HSPG2: variants seen among roughly 807,000 people sequenced by gnomAD.
HSPG2 encodes heparan sulfate proteoglycan 2, also known as basement membrane-specific heparan sulfate proteoglycan core protein.
Under a neutral mutation model 526.6 loss-of-function variants are expected in HSPG2, and 278 were observed. That is an observed-to-expected ratio of 0.53 (90% confidence interval 0.48 to 0.58). HSPG2 has a LOEUF of 0.58. Among genes scored for constraint, HSPG2 ranks in the 20% least tolerant of loss-of-function variants. The pLI is 0.00. For missense variants in HSPG2, 5,354 were observed against 6,099.5 expected (o/e 0.88, Z 4.07); for synonymous variants, 2,465 against 2,555.4 (o/e 0.96, Z 1.07).
intron 64 of HSPG2, among the ~76,000 whole-genome samples, chr1:21,845,863 G>C (rs1016789917): frequency 3.3e-5 from 5 of 152,210 alleles, no homozygotes; most frequent in African/African-American, 1.2e-4. Flanking sequence ...GAGGAACTGG[G>C]ACTCATGCAC....
chr1:21,875,277 C>T (rs770513077), intron 25 of HSPG2: 267 of 597,080 alleles, frequency 4.5e-4, no homozygotes, highest in Non-Finnish European at 7.1e-4. Context: ...CAAGAGCCCA[C>T]GGGCCTGAAA....
chr1:21,878,893 A>G (rs1007577853), intron 18 of HSPG2, 101 bp downstream of exon 18: 4 of 1,414,692 alleles, frequency 2.8e-6, no homozygotes, highest in Non-Finnish European at 3.9e-6. Context: ...GTGATCAGGT[A>G]GAGATCTGAA....
chr1:21,924,108 A>G (rs1050249691), intron 1 of HSPG2, among the ~76,000 whole-genome samples: 1 of 152,200 alleles, frequency 6.6e-6, no homozygotes, highest in African/African-American at 2.4e-5. Flanking sequence ...TCTAGGGCAC[A>G]GGGGCCATCT....
At chr1:21,894,944 G>A (rs183111118) in intron 3 of HSPG2, among the ~76,000 whole-genome samples, 1 of 152,306 alleles carries the variant, frequency 6.6e-6, no homozygotes, top group Non-Finnish European at 1.5e-5. Context: ...GCTCTGGGAG[G>A]TCACAGTCAG....
In HSPG2 at chr1:21,904,295, G is replaced by A. The variant is rs1373445125; in HGVS notation, c.64-7985C>T. Among the ~76,000 whole-genome samples the A allele has an allele frequency of 6.6e-6, 1 of 152,206 alleles. No homozygotes were observed. Among genetic ancestry groups the A allele is most frequent in the African/African-American group, 2.4e-5 (1 of 41,450 alleles). ...TGAGAGATGACTTCACCTAAGCAAA[G>A]CAGAGAAGGGGAAGAGTGCGGACCA... On this transcript the variant is annotated intron_variant, in intron 1 of 96. Transcript: ENST00000374695. This position sits in a 1 kb window ranked among gnomAD's most constrained non-coding sequence, Gnocchi z 4.4.
intron 57 of HSPG2, 21 bp from the exon 58 acceptor site, chr1:21,849,052 G>A (rs1572216159): frequency 6.2e-7 from 1 of 1,612,600 alleles, no homozygotes; most frequent in East Asian, 2.2e-5. Context: ...CAGGAGGGAG[G>A]AGGCAGGCTC....
chr1:21,920,196 C>T (rs959693202), intron 1 of HSPG2, among the ~76,000 whole-genome samples: 14 of 152,194 alleles, frequency 9.2e-5, no homozygotes, highest in African/African-American at 3.1e-4. Flanking sequence ...CGTGAGCCAC[C>T]GTGCGTGGCT....
chr1:21,881,279 GA>G (rs1641482807), intron 14 of HSPG2, 59 bp downstream of exon 14: 2 of 1,590,324 alleles, frequency 1.3e-6, no homozygotes, highest in Non-Finnish European at 1.7e-6. Context: ...ACCAACTGCA[GA>G]AGGAGCAGAG....
chr1:21,837,039 A>G (rs755547937), intron 74 of HSPG2, 33 bp from the exon 75 acceptor site: 4 of 1,533,720 alleles, frequency 2.6e-6, no homozygotes, highest in South Asian at 1.2e-5. Flanking sequence ...CTGCAGGTAT[A>G]TGTGTGTGTG....
chr1:21,936,087 G>C (rs914391965), intron 1 of HSPG2, among the ~76,000 whole-genome samples: 7 of 152,166 alleles, frequency 4.6e-5, no homozygotes, highest in African/African-American at 1.7e-4. Context: ...CAGGGAGGCA[G>C]GTATGGGGAC....
chr1:21,878,860 G>T, intron 18 of HSPG2, 134 bp downstream of exon 18: 2 of 1,272,914 alleles, frequency 1.6e-6, no homozygotes, highest in African/African-American at 1.5e-5. Flanking sequence ...GCCTAGAGAG[G>T]TCCAGGAGCA....
In HSPG2 at chr1:21,851,836, T is replaced by C. The variant is rs1249604275; in HGVS notation, c.6961A>G (p.Ile2321Val). The change falls in exon 54 of 97, where the codon ATC becomes GTC. Residue 2321 changes from isoleucine (I) to valine (V), a missense_variant. By Grantham distance (29) the Ile-to-Val change is conservative. Coordinates refer to ENST00000374695, the MANE Select transcript of HSPG2 (RefSeq NM_005529.7). ...TGGGTCCCAGTTACTGTGACCGTGA[T>C]GGAGGCCTCCATGCCGTTGCTGGCC... ...CRASNGMEAS[I>V]TVTVTGTQGA... The C allele has an allele frequency of 1.2e-6, 2 of 1,613,604 alleles. No individual in the cohort carries two copies.
rs757632616 is a variant in HSPG2, at chr1:21,841,173, G to A, written c.9441C>T (p.Thr3147=). ...ACTTGGCAGGGGTGCTGCTGATCCG[G>A]GTCCAACGAGCAGAGGAGCGGGGCT... The part of the protein sequence containing the change: ...AGEPRSSARW[T]RISSTPAKLE... Residue 3147 remains threonine, a synonymous_variant, in exon 71 of 97, where the codon ACC becomes ACT. Coordinates refer to ENST00000374695, the MANE Select transcript of HSPG2 (RefSeq NM_005529.7). The A allele has an allele frequency of 2.5e-6, 4 of 1,613,676 alleles. No individual in the cohort carries two copies. The highest frequency in any genetic ancestry group is 3.4e-6 in the Non-Finnish European group (4 of 1,180,028).
chr1:21,926,049 C>T (rs1412786108), intron 1 of HSPG2, among the ~76,000 whole-genome samples: 2 of 151,984 alleles, frequency 1.3e-5, no homozygotes, highest in African/African-American at 2.4e-5. Flanking sequence ...AGGCTGCTCT[C>T]GAACTCCTAG....
Position 21,847,567 on chromosome 1 carries a change from C to T in HSPG2, c.8026-75G>A. On this transcript the variant is annotated intron_variant, in intron 61 of 96. Transcript: ENST00000374695. The surrounding 1 kb of genome is among the most constrained non-coding windows in gnomAD (Gnocchi z 4.1). ...GGGTCACCAGCTGGCTCAGGCCTTCCTGCTCAGCCTGTTGAGGCTGCTATC... is the reference window on the plus strand; with the variant it reads ...GGGTCACCAGCTGGCTCAGGCCTTCTTGCTCAGCCTGTTGAGGCTGCTATC... 1 of 1,606,426 alleles carries T rather than the reference C, an allele frequency of 6.2e-7. No homozygotes were observed. Among genetic ancestry groups the T allele is most frequent in the South Asian group, 1.1e-5 (1 of 90,912 alleles).
At position 21,844,279 on chromosome 1, in the gene HSPG2, T is replaced by C. The variant is rs1638246218; in HGVS notation, c.8485A>G (p.Ile2829Val). The change falls in exon 65 of 97, where the codon ATC becomes GTC. Residue 2829 changes from isoleucine to valine, a missense_variant. Transcript: ENST00000374695. ...HVPAPGGAPP[I>V]RIEPSSSRVA... Reference sequence around the variant, plus strand: ...CGGGAGGAGGAGGGCTCGATGCGGATGGGTGGGGCTCCACCTGGGGCTGGG... The same window carrying C: ...CGGGAGGAGGAGGGCTCGATGCGGACGGGTGGGGCTCCACCTGGGGCTGGG... The C allele has an allele frequency of 1.9e-6, 3 of 1,613,216 alleles. No individual in the cohort carries two copies. The highest frequency in any genetic ancestry group is 4.5e-5 in the East Asian group (2 of 44,878).
chr1:21,937,255 CGCCGCCCGCTCCGCGCCGCCCGCA>C lies in HSPG2; in HGVS notation c.-62_-39del, dbSNP rs1644516073. Reference sequence around the variant, plus strand: ...GCCGCTCTCTCGCTCGCTCGCTCCGCGCCGCCCGCTCCGCGCCGCCCGCAGCCGCCCGCTCGCCGGCCAGCTCGG... The same window carrying C: ...GCCGCTCTCTCGCTCGCTCGCTCCGCGCCGCCCGCTCGCCGGCCAGCTCGG... On this transcript the variant is annotated 5_prime_UTR_variant, in exon 1 of 97. Transcript: ENST00000374695. The C allele has an allele frequency of 3.5e-6, 3 of 858,126 alleles. No individual in the cohort carries two copies. The highest frequency in any genetic ancestry group is 4.2e-6 in the Non-Finnish European group (3 of 716,022). The allele number at this position is 858,126 out of a possible 1,614,324, so 53.2% of individuals were successfully genotyped here. A position where few individuals can be genotyped will look rare whatever the true frequency, so the allele number is the denominator to read the frequency against.
In HSPG2 at chr1:21,890,315, C is replaced by T. The variant is rs933474041; in HGVS notation, c.413+112G>A. 5.8e-5 allele frequency: 74 copies of T among 1,279,420 alleles called. 1 individual carries two copies. The Admixed American group carries it at 1.2e-3, about 21-fold the overall frequency. 79.3% of individuals were successfully genotyped at this position (1,279,420 alleles called of 1,614,324 possible). ...CCAATTCCTGAATTTCCACCCACAG[C>T]GACTCATCCCATAGGCCTTTCCGCG... On this transcript the variant is annotated intron_variant, in intron 5 of 96. Transcript: ENST00000374695. This position sits in a 1 kb window ranked among gnomAD's most constrained non-coding sequence, Gnocchi z 4.1.
intron 22 of HSPG2, 41 bp from the exon 23 acceptor site, chr1:21,876,446 G>A: frequency 6.2e-7 from 1 of 1,611,950 alleles, no homozygotes; most frequent in Non-Finnish European, 8.5e-7. Flanking sequence ...GCCGTGGCCT[G>A]GGACTGGCGC....
Sources: gnomAD v4.1 joint callset for allele counts (sites outside exome capture counted in the v4.1 genomes callset) on GRCh38, gnomAD v4.1.1 for gene constraint, Gnocchi (gnomAD v3.1) non-coding constraint, MANE v1.5 for transcripts, NCBI Gene and HGNC (gene_info 2026-07-23, HGNC 2026-07-21) for gene names.